The following CDKN2B-AS1 variants were observed in gnomAD, a reference collection of about 807,000 sequenced individuals.
CDKN2B-AS1 encodes CDKN2B antisense RNA 1 (non-protein coding).
At chr9:22,084,563 G>C (rs1191234167) in intron 4 of CDKN2B-AS1, among the ~76,000 whole-genome samples, 1 of 152,056 alleles carries the variant, frequency 6.6e-6, no homozygotes, top group Non-Finnish European at 1.5e-5. Flanking sequence ...GAGAAAGGGG[G>C]TGGGCAGGGG....
chr9:22,042,117 T>G (rs1318606101), intron 1 of CDKN2B-AS1, among the ~76,000 whole-genome samples: 2 of 152,066 alleles, frequency 1.3e-5, no homozygotes, highest in Non-Finnish European at 2.9e-5. Context: ...CATTCACTGC[T>G]GGGCCTGGTA....
chr9:22,053,261 A>G (rs561129505), intron 3 of CDKN2B-AS1, among the ~76,000 whole-genome samples: 2 of 152,352 alleles, frequency 1.3e-5, no homozygotes, highest in South Asian at 2.1e-4. Context: ...TTATCTATCT[A>G]CAGATGTCTA....
intron 3 of CDKN2B-AS1, among the ~76,000 whole-genome samples, chr9:22,055,093 A>T (rs1823502897): frequency 6.6e-6 from 1 of 152,212 alleles, no homozygotes; most frequent in African/African-American, 2.4e-5. Context: ...TTTGTTATTT[A>T]TCAGATGCCT....
At chr9:22,113,348 C>G (rs1479328493) in intron 4 of CDKN2B-AS1, among the ~76,000 whole-genome samples, 1 of 152,328 alleles carries the variant, frequency 6.6e-6, no homozygotes, top group African/African-American at 2.4e-5. Flanking sequence ...TCTCTGACTT[C>G]CCTTTCTGTC....
intron 4 of CDKN2B-AS1, among the ~76,000 whole-genome samples, chr9:22,105,960 GA>G (rs1825643773): frequency 6.6e-6 from 1 of 152,202 alleles, no homozygotes; most frequent in Non-Finnish European, 1.5e-5. Flanking sequence ...GCCCAGGCCG[GA>G]GTGCAATGGC....
At position 22,001,759 on chromosome 9, in the gene CDKN2B-AS1, A is replaced by G. The variant is rs1820927521; in HGVS notation, n.29+6598A>G. On this transcript the variant is annotated intron_variant and non_coding_transcript_variant, in intron 1 of 4. Coordinates refer to ENST00000650946, the Ensembl canonical transcript of CDKN2B-AS1. This position sits in a 1 kb window ranked among gnomAD's most constrained non-coding sequence, Gnocchi z 4.2. The stretch of plus-strand genomic sequence containing the variant: ...AAGAAAGGAGTAATTTCATTTGGAT[A>G]GCTGAAATTGAGAAACGTTTTATAG... Among the ~76,000 whole-genome samples the G allele has an allele frequency of 6.6e-6, 1 of 152,146 alleles. No homozygotes were observed. Among genetic ancestry groups the G allele is most frequent in the South Asian group, 2.1e-4 (1 of 4,836 alleles).
intron 1 of CDKN2B-AS1, among the ~76,000 whole-genome samples, chr9:22,015,830 T>G (rs1821729204): frequency 6.6e-6 from 1 of 152,190 alleles, no homozygotes; most frequent in Non-Finnish European, 1.5e-5. Context: ...TTGATTTGCA[T>G]TTCTCTGATG....
chr9:22,006,033 C>A lies in CDKN2B-AS1; in HGVS notation n.29+10872C>A. 1 of 1,604,086 alleles carries A rather than the reference C, an allele frequency of 6.2e-7. No individual in the cohort carries two copies. Among genetic ancestry groups the A allele is most frequent in the Non-Finnish European group, 8.5e-7 (1 of 1,179,508 alleles). ...CAGGTACCCTGCAACGTCGCGGTGG[C>A]CCCGCTCCTCGGCCAAGTCCACGGG... On this transcript the variant is annotated intron_variant and non_coding_transcript_variant, in intron 1 of 4. Coordinates refer to ENST00000650946, the Ensembl canonical transcript of CDKN2B-AS1. The surrounding 1 kb of genome is among the most constrained non-coding windows in gnomAD (Gnocchi z 6.4).
At chr9:22,040,700 C>T (rs1358834659) in intron 1 of CDKN2B-AS1, among the ~76,000 whole-genome samples, 4 of 151,958 alleles carry the variant, frequency 2.6e-5, no homozygotes, top group African/African-American at 4.8e-5. Flanking sequence ...TGTGTGTGCA[C>T]GAATGCCTCC....
At chr9:22,107,686 C>G (rs72654204) in intron 4 of CDKN2B-AS1, among the ~76,000 whole-genome samples, 2,280 of 152,288 alleles carry the variant, frequency 0.015, 55 homozygotes, top group African/African-American at 0.052. Context: ...ACCATACATA[C>G]AATTTTCTGG....
intron 4 of CDKN2B-AS1, among the ~76,000 whole-genome samples, chr9:22,102,318 C>T (rs1587535345): frequency 1.3e-5 from 2 of 152,134 alleles, no homozygotes; most frequent in African/African-American, 2.4e-5. Context: ...ATGGCTTGCT[C>T]ATTACATTAC....
chr9:22,091,896 G>C (rs193044505), intron 4 of CDKN2B-AS1, among the ~76,000 whole-genome samples: 7,712 of 152,206 alleles, frequency 0.051, 674 homozygotes, highest in African/African-American at 0.18. Context: ...TCCCTGTCTT[G>C]TGCCAGTTTT....
chr9:22,098,960 G>A (rs1825384879), intron 4 of CDKN2B-AS1, among the ~76,000 whole-genome samples: 1 of 152,180 alleles, frequency 6.6e-6, no homozygotes. Flanking sequence ...AATAAGAGTA[G>A]TGAAGACAGT....
chr9:22,003,649 T>G, intron 1 of CDKN2B-AS1: 1 of 230,564 alleles, frequency 4.3e-6, no homozygotes, highest in Non-Finnish European at 8.6e-6. Context: ...GATTGAGTGC[T>G]TAAGTGATAA....
chr9:22,061,278 C>G (rs553078886), intron 4 of CDKN2B-AS1, among the ~76,000 whole-genome samples: 1 of 152,276 alleles, frequency 6.6e-6, no homozygotes, highest in South Asian at 2.1e-4. Context: ...ATCCAGGAAT[C>G]TGATGACATC....
At chr9:22,048,909 G>T (rs1215199115) in intron 2 of CDKN2B-AS1, among the ~76,000 whole-genome samples, 1 of 152,216 alleles carries the variant, frequency 6.6e-6, no homozygotes, top group South Asian at 2.1e-4. Context: ...TGCCTCTTAG[G>T]GATAGTGTGA....
intron 3 of CDKN2B-AS1, among the ~76,000 whole-genome samples, chr9:22,054,287 A>G (rs1238131595): frequency 6.6e-6 from 1 of 152,232 alleles, no homozygotes; most frequent in Non-Finnish European, 1.5e-5. Flanking sequence ...GTTTGACGCC[A>G]GAGTGCATGC....
At chr9:22,043,355 A>G (rs1822977855) in intron 1 of CDKN2B-AS1, among the ~76,000 whole-genome samples, 1 of 152,066 alleles carries the variant, frequency 6.6e-6, no homozygotes, top group Admixed American at 6.6e-5. Flanking sequence ...ATTACAAATT[A>G]AGGCTTTTCC....
intron 4 of CDKN2B-AS1, chr9:22,112,064 A>G (rs776161740): frequency 6.6e-5 from 10 of 152,158 alleles, no homozygotes; most frequent in Non-Finnish European, 1.5e-4. Context: ...AACAAAGTAA[A>G]ATTTTTCTCT....
Sources: allele counts gnomAD v4.1 joint callset (sites outside exome capture counted in the v4.1 genomes callset), GRCh38; gene constraint gnomAD v4.1.1; non-coding constraint Gnocchi (gnomAD v3.1); transcripts MANE v1.5; gene names NCBI Gene and HGNC (gene_info 2026-07-23, HGNC 2026-07-21).